ZCCHC2: variants seen among roughly 807,000 people sequenced by gnomAD.
ZCCHC2 encodes zinc finger CCHC-type containing 2, also known as zinc finger CCHC domain-containing protein 2.
Under a neutral mutation model 103.6 loss-of-function variants are expected in ZCCHC2, and 39 were observed. That is an observed-to-expected ratio of 0.38 (90% CI 0.29 to 0.49). ZCCHC2 has a LOEUF of 0.49. ZCCHC2 is among the 20% of genes least tolerant of loss of function. The pLI, the probability that ZCCHC2 is intolerant of heterozygous loss-of-function variation, is 0.96. For synonymous variants in ZCCHC2, 687 were observed against 608.9 expected (o/e 1.13, Z -1.89); for missense variants, 1,483 against 1,491.0 (o/e 0.99, Z 0.09).
In ZCCHC2 at chr18:62,523,376, G is replaced by GGGGGGGGCGC; in HGVS notation, c.-49_-48insGGGGGGGCGC. On this transcript the variant is annotated 5_prime_UTR_variant, in exon 1 of 14. Coordinates refer to ENST00000269499, the MANE Select transcript of ZCCHC2 (RefSeq NM_017742.6). Reference sequence around the variant, plus strand: ...GCCTCGGCCCGTGCTCCACCTCGCGGCCCCTCCCGCCCGCCCCCGCTCGCA... The same window carrying GGGGGGGGCGC: ...GCCTCGGCCCGTGCTCCACCTCGCGGGGGGGGGCGCCCCCTCCCGCCCGCCCCCGCTCGCA... The GGGGGGGGCGC allele has an allele frequency of 1.2e-5, 12 of 1,012,342 alleles. No individual in the cohort carries two copies. Among genetic ancestry groups the GGGGGGGGCGC allele is most frequent in the South Asian group, 3.7e-5 (1 of 27,158 alleles). The allele number at this position is 1,012,342 out of a possible 1,614,324, so 62.7% of individuals were successfully genotyped here.
downstream of ZCCHC2, chr18:62,581,850 C>G (rs369946798): frequency 7.6e-4 from 99 of 131,062 alleles, no homozygotes; most frequent in Middle Eastern, 8.9e-3. Context: ...TGTGGAAGGC[C>G]AGGTGGACCC....
chr18:62,530,886 C>G (rs1914644446), intron 1 of ZCCHC2, among the ~76,000 whole-genome samples: 1 of 152,170 alleles, frequency 6.6e-6, no homozygotes. Context: ...GAAAACTATT[C>G]TATAACTTAA....
At chr18:62,556,106 T>C in intron 5 of ZCCHC2, 97 bp from the exon 6 acceptor site, 1 of 889,254 alleles carries the variant, frequency 1.1e-6, no homozygotes, top group Non-Finnish European at 1.7e-6. Flanking sequence ...CATACCTGAA[T>C]TAAACTGCCA....
intron 7 of ZCCHC2, among the ~76,000 whole-genome samples, chr18:62,559,163 C>T (rs1598953491): frequency 1.3e-5 from 2 of 152,186 alleles, no homozygotes; most frequent in African/African-American, 4.8e-5. Context: ...AGCATGACCA[C>T]GGTAGAGATC....
chr18:62,564,203 CTCT>C (rs1258892839), intron 9 of ZCCHC2, among the ~76,000 whole-genome samples: 1 of 152,212 alleles, frequency 6.6e-6, no homozygotes, highest in Non-Finnish European at 1.5e-5. Flanking sequence ...CCTGCACCCT[CTCT>C]TCTTAGAGTT....
chr18:62,556,249 G>A lies in ZCCHC2; in HGVS notation c.1360G>A (p.Val454Ile). The A allele has an allele frequency of 6.2e-7, 1 of 1,607,582 alleles. No homozygotes were observed. Residue 454 changes from valine (V) to isoleucine (I), a missense_variant, in exon 6 of 14, where the codon GTA becomes ATA. Val to Ile is a conservative substitution (Grantham distance 29). Coordinates refer to ENST00000269499, the MANE Select transcript of ZCCHC2 (RefSeq NM_017742.6). Reference sequence around the variant, plus strand: ...ACAAGCTTTTCTACAAAGTCAGAAAGTACACAGCTTCTTTCAGTCCATATC... The same window carrying A: ...ACAAGCTTTTCTACAAAGTCAGAAAATACACAGCTTCTTTCAGTCCATATC... ...SSQAFLQSQK[V>I]HSFFQSISSD...
Position 62,574,335 on chromosome 18 carries a change from G to C in ZCCHC2, c.2254G>C (p.Val752Leu). Reference sequence around the variant, plus strand: ...TGATGGCAAAACCATAGGGATGCTTGTTCCTAGTCCTGTTGCTATTTCTGC... The same window carrying C: ...TGATGGCAAAACCATAGGGATGCTTCTTCCTAGTCCTGTTGCTATTTCTGC... ...PADGKTIGML[V>L]PSPVAISAIR... The change falls in exon 13 of 14, where the codon GTT (valine) becomes CTT (leucine). Residue 752 changes from valine (V) to leucine (L), a missense_variant. Val to Leu is a conservative substitution (Grantham distance 32). Around this residue, in one of 3 missense-constraint regions of ZCCHC2, gnomAD observed 884 missense variants for 907.5 expected, o/e 0.97. Coordinates refer to ENST00000269499, the MANE Select transcript of ZCCHC2 (RefSeq NM_017742.6). The C allele has an allele frequency of 6.2e-7, 1 of 1,614,050 alleles. No homozygotes were observed. The highest frequency in any genetic ancestry group is 1.1e-5 in the South Asian group (1 of 91,088).
Position 62,556,243 on chromosome 18 carries a change from C to A in ZCCHC2, c.1354C>A (p.Gln452Lys). 6.2e-7 allele frequency: 1 copy of A among 1,606,640 alleles called. No individual in the cohort carries two copies. Among genetic ancestry groups the A allele is most frequent in the South Asian group, 1.1e-5 (1 of 89,174 alleles). The stretch of plus-strand genomic sequence containing the variant: ...TTCATCACAAGCTTTTCTACAAAGT[C>A]AGAAAGTACACAGCTTCTTTCAGTC... Reference protein sequence around the residue: ...SSSSQAFLQSQKVHSFFQSIS... With the variant: ...SSSSQAFLQSKKVHSFFQSIS... The change falls in exon 6 of 14, where the codon CAG becomes AAG. Residue 452 changes from glutamine (Q) to lysine (K), a missense_variant. Physicochemically the swap from Gln to Lys is moderately conservative, Grantham distance 53. Coordinates refer to ENST00000269499, the MANE Select transcript of ZCCHC2 (RefSeq NM_017742.6).
intron 5 of ZCCHC2, 51 bp downstream of exon 5, chr18:62,550,511 G>T: frequency 7.1e-7 from 1 of 1,409,388 alleles, no homozygotes; most frequent in Non-Finnish European, 9.8e-7. Context: ...AGGACAAAGG[G>T]CCGCTCCAAA....
At position 62,577,654 on chromosome 18, in the gene ZCCHC2, C is replaced by A. The variant is rs1282618886; in HGVS notation, c.*1075C>A. 2.0e-5 allele frequency: 3 copies of A among 152,442 alleles called. No homozygotes were observed. The highest frequency in any genetic ancestry group is 2.4e-5 in the African/African-American group (1 of 41,426). 9.4% of individuals were successfully genotyped at this position (152,442 alleles called of 1,614,324 possible). On this transcript the variant is annotated 3_prime_UTR_variant, in exon 14 of 14. Transcript: ENST00000269499. ...AAGTCACTTTTATAACAGTTTACCA[C>A]TATGCTTGATTATAATGTGAAAGGC... is the stretch of plus-strand genomic sequence containing the variant.
intron 1 of ZCCHC2, chr18:62,525,401 G>C (rs1393706315): frequency 2.0e-5 from 3 of 152,192 alleles, no homozygotes; most frequent in African/African-American, 7.2e-5. Flanking sequence ...TGGGGTCACA[G>C]GCTTTTGAAA....
At chr18:62,559,871 T>C (rs1916043013) in intron 7 of ZCCHC2, among the ~76,000 whole-genome samples, 1 of 152,188 alleles carries the variant, frequency 6.6e-6, no homozygotes, top group Non-Finnish European at 1.5e-5. Context: ...AAAATTCTTT[T>C]TCTTGTCATT....
At chr18:62,557,582 TAAC>T (rs1164084735) in intron 6 of ZCCHC2, among the ~76,000 whole-genome samples, 17 of 152,232 alleles carry the variant, frequency 1.1e-4, no homozygotes, top group Non-Finnish European at 2.1e-4. Context: ...GTCTGAATGA[TAAC>T]AACAGCATTT....
chr18:62,527,236 C>T (rs1453846281), intron 1 of ZCCHC2, among the ~76,000 whole-genome samples: 2 of 152,006 alleles, frequency 1.3e-5, no homozygotes, highest in African/African-American at 4.8e-5. Context: ...CACAGGACTT[C>T]CTTGTATCCA....
At chr18:62,528,280 A>G (rs940309127) in intron 1 of ZCCHC2, among the ~76,000 whole-genome samples, 67 of 152,278 alleles carry the variant, frequency 4.4e-4, no homozygotes, top group African/African-American at 1.5e-3. Context: ...TCCTTCACTT[A>G]CTAAAAGTAG....
At position 62,532,936 on chromosome 18, in the gene ZCCHC2, C is replaced by T. The variant is rs374824180; in HGVS notation, c.940-6745C>T. Reference sequence around the variant, plus strand: ...TCTGTAGTCCCAGCTACTCAGGAGGCGGAGGCAGGAGGATCACTTGAGCCC... The same window carrying T: ...TCTGTAGTCCCAGCTACTCAGGAGGTGGAGGCAGGAGGATCACTTGAGCCC... On this transcript the variant is annotated intron_variant, in intron 1 of 13. Coordinates refer to ENST00000269499, the MANE Select transcript of ZCCHC2 (RefSeq NM_017742.6). Among the ~76,000 whole-genome samples the T allele has an allele frequency of 2.5e-4, 38 of 152,182 alleles. 2 individuals are homozygous for T. The highest frequency in any genetic ancestry group is 1.2e-3 in the South Asian group (6 of 4,820).
chr18:62,534,182 A>C (rs1914822119), intron 1 of ZCCHC2, among the ~76,000 whole-genome samples: 1 of 152,076 alleles, frequency 6.6e-6, no homozygotes, highest in Non-Finnish European at 1.5e-5. Flanking sequence ...ATGGTGGTAC[A>C]TGCCTGTAGT....
At chr18:62,547,803 C>T (rs1005828860) in intron 4 of ZCCHC2, among the ~76,000 whole-genome samples, 12 of 152,118 alleles carry the variant, frequency 7.9e-5, no homozygotes, top group African/African-American at 2.7e-4. Flanking sequence ...ATCAAACAAT[C>T]CACCCACCTT....
chr18:62,559,523 C>T (rs1916030031), intron 7 of ZCCHC2, among the ~76,000 whole-genome samples: 1 of 152,188 alleles, frequency 6.6e-6, no homozygotes, highest in South Asian at 2.1e-4. Flanking sequence ...TCAGGCACTG[C>T]TGATGGGGAT....
Sources: gnomAD v4.1 joint callset for allele counts (sites outside exome capture counted in the v4.1 genomes callset) on GRCh38, gnomAD v4.1.1 for gene constraint, gnomAD v4.1.1 regional missense constraint, MANE v1.5 for transcripts, NCBI Gene and HGNC (gene_info 2026-07-23, HGNC 2026-07-21) for gene names.